PPM1L: variants seen among roughly 807,000 people sequenced by gnomAD.
PPM1L encodes protein phosphatase 1L.
PPM1L carries 13 observed loss-of-function variants against 31.4 expected under a neutral mutation model. The ratio of observed to expected loss-of-function variants is 0.41; its 90% confidence interval spans 0.27 to 0.66. PPM1L has a LOEUF of 0.66. Ranked by LOEUF, PPM1L falls within the 30% of genes least tolerant of loss-of-function variation. PPM1L has a pLI of 0.29. For missense variants in PPM1L, 326 were observed against 453.7 expected, an observed-to-expected ratio of 0.72 and a Z score of 2.56; for synonymous variants, 184 against 175.4, an observed-to-expected ratio of 1.05 and a Z score of -0.39.
chr3:160,919,483 A>G (rs967958410), intron 1 of PPM1L, among the ~76,000 whole-genome samples: 4 of 152,160 alleles, frequency 2.6e-5, no homozygotes. Context: ...TCCTCATGCT[A>G]CCTTACAGTA....
At chr3:160,844,724 T>C (rs1027851163) in intron 1 of PPM1L, among the ~76,000 whole-genome samples, 1 of 152,140 alleles carries the variant, frequency 6.6e-6, no homozygotes, top group African/African-American at 2.4e-5. Flanking sequence ...TCTATGTTTT[T>C]TAAAGAGCCT....
chr3:160,980,240 T>C (rs1716749330), intron 2 of PPM1L, among the ~76,000 whole-genome samples: 1 of 152,088 alleles, frequency 6.6e-6, no homozygotes, highest in South Asian at 2.1e-4. Flanking sequence ...TTACTTGGCC[T>C]TTTAGTCAGA....
chr3:160,944,259 CT>C (rs1715252675), intron 1 of PPM1L, among the ~76,000 whole-genome samples: 1 of 151,938 alleles, frequency 6.6e-6, no homozygotes, highest in Non-Finnish European at 1.5e-5. Flanking sequence ...TTACATGTCT[CT>C]TTGGGGCCTT....
intron 1 of PPM1L, among the ~76,000 whole-genome samples, chr3:160,855,990 A>G (rs73155995): frequency 2.0e-5 from 3 of 152,040 alleles, no homozygotes; most frequent in Non-Finnish European, 4.4e-5. Context: ...CAAGCTGAGG[A>G]GTAAGGAAGC....
At chr3:160,988,745 A>T (rs1576764922) in intron 2 of PPM1L, among the ~76,000 whole-genome samples, 1 of 152,096 alleles carries the variant, frequency 6.6e-6, no homozygotes, top group East Asian at 1.9e-4. Context: ...TTAACTATCA[A>T]AGCCTTCCTG....
rs560429387 is a variant in PPM1L at position 161,012,942 on chromosome 3, A to G, written c.574+51032A>G. Reference sequence around the variant, plus strand: ...TATTAGTCTTGCTAGCGGTCTATCAATATTGTTGATCCTTTCAAAAAACCA... The same window carrying G: ...TATTAGTCTTGCTAGCGGTCTATCAGTATTGTTGATCCTTTCAAAAAACCA... On this transcript the variant is annotated intron_variant, in intron 2 of 3. Transcript: ENST00000498165. Among the ~76,000 whole-genome samples the G allele has an allele frequency of 8.2e-4, 125 of 151,880 alleles. 1 individual carries two copies. The highest frequency in any genetic ancestry group is 2.8e-3 in the African/African-American group (117 of 41,428).
rs545058979 is a variant in PPM1L at position 160,984,042 on chromosome 3, A to G, written c.574+22132A>G. On this transcript the variant is annotated intron_variant, in intron 2 of 3. Coordinates refer to ENST00000498165, the MANE Select transcript of PPM1L (RefSeq NM_139245.4). ...AATGAACTTCCGTGTCCCGCTGTGTATGCATTGTCATTGATAAACATTTTA... is the reference window on the plus strand; with the variant it reads ...AATGAACTTCCGTGTCCCGCTGTGTGTGCATTGTCATTGATAAACATTTTA... Among the ~76,000 whole-genome samples, 30 of 152,294 alleles carry G rather than the reference A, an allele frequency of 2.0e-4. 1 individual carries two copies. In the South Asian group the frequency reaches 6.2e-3, roughly 32 times the overall value.
chr3:160,850,802 A>G (rs368571556), intron 1 of PPM1L, among the ~76,000 whole-genome samples: 16 of 151,290 alleles, frequency 1.1e-4, no homozygotes, highest in African/African-American at 3.6e-4. Context: ...CTGCAGCTCC[A>G]TGTCATGACT....
intron 1 of PPM1L, among the ~76,000 whole-genome samples, chr3:160,907,765 T>C (rs538179935): frequency 6.6e-6 from 1 of 152,296 alleles, no homozygotes; most frequent in South Asian, 2.1e-4. Context: ...GAGGGAATCA[T>C]GTTCCTGGAA....
intron 2 of PPM1L, among the ~76,000 whole-genome samples, chr3:160,966,717 A>T (rs1183165432): frequency 2.0e-5 from 3 of 152,088 alleles, no homozygotes; most frequent in Non-Finnish European, 4.4e-5. Context: ...AGGGGATGAT[A>T]CTTGGAGCAG....
intron 1 of PPM1L, among the ~76,000 whole-genome samples, chr3:160,822,988 T>A (rs1713247947): frequency 6.6e-6 from 1 of 151,682 alleles, no homozygotes; most frequent in Admixed American, 6.6e-5. Flanking sequence ...AAAAGCAATA[T>A]GAAAAGTGAA....
At chr3:160,896,785 C>G (rs1289050778) in intron 1 of PPM1L, among the ~76,000 whole-genome samples, 9 of 152,146 alleles carry the variant, frequency 5.9e-5, no homozygotes, top group Admixed American at 4.6e-4. Context: ...AATCATAACT[C>G]AAGTTGACAT....
chr3:161,078,737 G>A lies in PPM1L; in HGVS notation c.*9580G>A, dbSNP rs1253227842. 5 of 152,326 alleles carry A rather than the reference G, an allele frequency of 3.3e-5. No homozygotes were observed. In the East Asian group the frequency reaches 5.8e-4, roughly 18 times the overall value. 9.4% of individuals were successfully genotyped at this position (152,326 alleles called of 1,614,324 possible). A position where few individuals can be genotyped will look rare whatever the true frequency, so the allele number is the denominator to read the frequency against. On this transcript the variant is annotated 3_prime_UTR_variant, in exon 4 of 4. Coordinates refer to ENST00000498165, the MANE Select transcript of PPM1L (RefSeq NM_139245.4). ...TGCACGGTCACTCAAGATGCATGGC[G>A]TGTCATTTGGGTCGCTTTGATGGGT...
chr3:160,920,607 TC>T (rs1489794513), intron 1 of PPM1L, among the ~76,000 whole-genome samples: 1 of 90,332 alleles, frequency 1.1e-5, no homozygotes, highest in Non-Finnish European at 2.3e-5. Flanking sequence ...TCTCTCTCTC[TC>T]TCTCTCTCAC....
intron 1 of PPM1L, among the ~76,000 whole-genome samples, chr3:160,798,827 G>C (rs1354737042): frequency 6.6e-6 from 1 of 152,166 alleles, no homozygotes; most frequent in African/African-American, 2.4e-5. Flanking sequence ...TCCTCTGATG[G>C]ATCTGGGCAA....
chr3:161,041,312 T>C (rs1718897382), intron 2 of PPM1L, among the ~76,000 whole-genome samples: 1 of 152,228 alleles, frequency 6.6e-6, no homozygotes, highest in African/African-American at 2.4e-5. Context: ...CTTAAATGTA[T>C]TTGATTGATG....
intron 1 of PPM1L, among the ~76,000 whole-genome samples, chr3:160,905,291 G>A (rs998026315): frequency 6.6e-6 from 1 of 152,010 alleles, no homozygotes; most frequent in Non-Finnish European, 1.5e-5. Context: ...TCTAATTATA[G>A]AGAGCATATT....
At chr3:160,797,985 C>T (rs1712310300) in intron 1 of PPM1L, among the ~76,000 whole-genome samples, 1 of 152,156 alleles carries the variant, frequency 6.6e-6, no homozygotes, top group Admixed American at 6.5e-5. Flanking sequence ...GAAGACCGTC[C>T]TGGCCAACAT....
rs996407573 is a variant in PPM1L at position 160,937,222 on chromosome 3, G to A, written c.400-24514G>A. On this transcript the variant is annotated intron_variant, in intron 1 of 3. Coordinates refer to ENST00000498165, the MANE Select transcript of PPM1L (RefSeq NM_139245.4). ...CTATGAATATATTCTAATAAAATAC[G>A]TTTCCCAGGAGCTGGTTAAATAATT... 8.5e-5 allele frequency among the ~76,000 whole-genome samples: 13 copies of A among 152,232 alleles called. No individual in the cohort carries two copies. The East Asian group carries it at 2.1e-3, about 25-fold the overall frequency.
Sources: allele counts gnomAD v4.1 joint callset (sites outside exome capture counted in the v4.1 genomes callset), GRCh38; gene constraint gnomAD v4.1.1; transcripts MANE v1.5; gene names NCBI Gene and HGNC (gene_info 2026-07-23, HGNC 2026-07-21).